Variants in UBE4B observed in about 807,000 individuals in gnomAD.
UBE4B encodes the protein ubiquitin conjugation factor E4 B.
UBE4B carries 27 observed loss-of-function variants against 148.1 expected under a neutral mutation model. The observed-to-expected ratio is 0.18, with a 90% CI of 0.13 to 0.25. The LOEUF is 0.25. Among genes scored for constraint, UBE4B ranks in the 10% least tolerant of loss-of-function variants. The pLI, the probability that UBE4B is intolerant of heterozygous loss-of-function variation, is 1.00. For synonymous variants in UBE4B, 596 were observed against 619.3 expected, an observed-to-expected ratio of 0.96 and a Z score of 0.56; for missense variants, 1,170 against 1,662.4, an observed-to-expected ratio of 0.70 and a Z score of 5.15.
intron 3 of UBE4B, 82 bp downstream of exon 3, chr1:10,095,678 T>C: frequency 6.4e-7 from 1 of 1,553,750 alleles, no homozygotes; most frequent in Non-Finnish European, 8.8e-7. Context: ...TAGTCCATAG[T>C]CAGAAATGCC....
At chr1:10,171,010 A>G (rs1037085913) in intron 24 of UBE4B, 128 bp from the exon 25 acceptor site, 2 of 931,864 alleles carry the variant, frequency 2.1e-6, no homozygotes, top group Non-Finnish European at 3.2e-6. Context: ...CTTATGATAC[A>G]CAGCACCTGT....
At chr1:10,034,812 A>T (rs1643440109) in intron 1 of UBE4B, among the ~76,000 whole-genome samples, 1 of 152,240 alleles carries the variant, frequency 6.6e-6, no homozygotes, top group South Asian at 2.1e-4. Context: ...TAGGAAAGGA[A>T]GCAAATGATT....
chr1:10,172,219 C>T (rs1376315413), intron 25 of UBE4B, among the ~76,000 whole-genome samples: 2 of 152,156 alleles, frequency 1.3e-5, no homozygotes, highest in Non-Finnish European at 1.5e-5. Flanking sequence ...GCTGTCCCTG[C>T]GTGATCTTCT....
At chr1:10,110,698 A>G (rs1645203492) in intron 7 of UBE4B, among the ~76,000 whole-genome samples, 1 of 152,190 alleles carries the variant, frequency 6.6e-6, no homozygotes, top group South Asian at 2.1e-4. Flanking sequence ...ATTTCAGTGA[A>G]GGAGGTCAAA....
intron 1 of UBE4B, among the ~76,000 whole-genome samples, chr1:10,042,615 C>T (rs919169158): frequency 6.6e-6 from 1 of 152,212 alleles, no homozygotes; most frequent in Admixed American, 6.5e-5. Flanking sequence ...CCACTGCACT[C>T]TAGCCTGGGC....
chr1:10,168,433 C>G lies in UBE4B; in HGVS notation c.3333+163C>G, dbSNP rs1230896445. Among the ~76,000 whole-genome samples, 2 of 152,150 alleles carry G rather than the reference C, an allele frequency of 1.3e-5. No homozygotes were observed. The highest frequency in any genetic ancestry group is 2.9e-5 in the Non-Finnish European group (2 of 68,022). ...TGTTCCCAGTTATGCTAATTGATAC[C>G]AGACTCTGTTGATGGACTGAAGAGC... On this transcript the variant is annotated intron_variant, in intron 24 of 27. Coordinates refer to ENST00000343090, the MANE Select transcript of UBE4B (RefSeq NM_001105562.3). This position sits in a 1 kb window ranked among gnomAD's most constrained non-coding sequence, Gnocchi z 4.9.
intron 7 of UBE4B, among the ~76,000 whole-genome samples, chr1:10,112,509 C>T (rs1246660340): frequency 2.0e-5 from 3 of 152,206 alleles, no homozygotes; most frequent in East Asian, 1.9e-4. Flanking sequence ...AAGTGATTCA[C>T]CTGCCTCAGC....
Position 10,147,005 on chromosome 1 carries a change from G to A in UBE4B, c.2506G>A (p.Asp836Asn), listed in dbSNP as rs759935288. The change falls in exon 19 of 28, where the codon GAC (aspartate) becomes AAC (asparagine). Residue 836 changes from aspartate to asparagine, a missense_variant. This residue lies in a region of UBE4B where 348 missense variants were observed against 627.2 expected (regional missense o/e 0.55). Coordinates refer to ENST00000343090, the MANE Select transcript of UBE4B (RefSeq NM_001105562.3). ...CKACADAGLL[D>N]ESFLRRCLNF... is the part of the protein sequence containing the mutation. ...GGCCTGTGCTGATGCTGGCCTACTT[G>A]ACGAGAGCTTCCTGAGAAGATGTCT... The A allele has an allele frequency of 6.2e-7, 1 of 1,613,986 alleles. No individual in the cohort carries two copies.
chr1:10,075,041 T>C (rs138208446), intron 2 of UBE4B, among the ~76,000 whole-genome samples: 1 of 152,306 alleles, frequency 6.6e-6, no homozygotes, highest in Non-Finnish European at 1.5e-5. Flanking sequence ...GGTTTCCATC[T>C]CAATAAATGA....
chr1:10,071,962 C>A (rs1342378924), intron 1 of UBE4B, 66 bp from the exon 2 acceptor site: 3 of 1,463,898 alleles, frequency 2.0e-6, no homozygotes, highest in East Asian at 5.1e-5. Context: ...TGAATAATGT[C>A]ATTCTCTGGC....
At chr1:10,082,993 C>T (rs757968019) in intron 2 of UBE4B, among the ~76,000 whole-genome samples, 1 of 152,056 alleles carries the variant, frequency 6.6e-6, no homozygotes, top group African/African-American at 2.4e-5. Flanking sequence ...TGATCTCATT[C>T]TTTTTTACGG....
intron 17 of UBE4B, 139 bp downstream of exon 17, chr1:10,137,344 C>A: frequency 9.2e-7 from 1 of 1,081,924 alleles, no homozygotes; most frequent in Non-Finnish European, 1.3e-6. Context: ...CCTCCACCGC[C>A]ACATCCATGT....
chr1:10,148,632 A>AGGGG (rs1645918926), intron 19 of UBE4B, among the ~76,000 whole-genome samples: 1 of 123,990 alleles, frequency 8.1e-6, no homozygotes, highest in African/African-American at 3.4e-5. Context: ...ACTCTGTCTC[A>AGGGG]AAAAAAAAAA....
At position 10,057,685 on chromosome 1, in the gene UBE4B, G is replaced by A. The variant is rs1197427151; in HGVS notation, c.25-14343G>A. Among the ~76,000 whole-genome samples the A allele has an allele frequency of 2.7e-5, 4 of 147,840 alleles. No individual in the cohort carries two copies. The South Asian group carries it at 6.4e-4, about 23-fold the overall frequency. On this transcript the variant is annotated intron_variant, in intron 1 of 27. Transcript: ENST00000343090. ...GTTGAGGCTGCAGTGAGTTGAAATC[G>A]TGTTACTGTACTCCAACCTGGCTGA...
chr1:10,113,759 T>C (rs1557565267), intron 7 of UBE4B, among the ~76,000 whole-genome samples: 3 of 152,018 alleles, frequency 2.0e-5, no homozygotes. Flanking sequence ...CAAGGACCTA[T>C]TGACATCAAA....
At chr1:10,158,571 G>A in intron 22 of UBE4B, 89 bp downstream of exon 22, 2 of 1,512,164 alleles carry the variant, frequency 1.3e-6, no homozygotes, top group Non-Finnish European at 1.8e-6. Context: ...CTGGGTTCTT[G>A]TTGACTGTTT....
chr1:10,133,572 G>C (rs906108893), intron 15 of UBE4B, among the ~76,000 whole-genome samples: 2 of 152,216 alleles, frequency 1.3e-5, no homozygotes, highest in East Asian at 1.9e-4. Flanking sequence ...AATGTCACAT[G>C]ATAAGAAGTG....
chr1:10,127,202 T>TA (rs35655615), intron 11 of UBE4B, among the ~76,000 whole-genome samples: 3,528 of 144,242 alleles, frequency 0.024, 59 homozygotes, highest in Non-Finnish European at 0.034. Context: ...TTTTGTTACT[T>TA]AAAAAAAAAA....
intron 15 of UBE4B, among the ~76,000 whole-genome samples, chr1:10,133,909 G>A (rs1557584391): frequency 6.6e-6 from 1 of 151,860 alleles, no homozygotes; most frequent in Non-Finnish European, 1.5e-5. Flanking sequence ...AAATTAGCCA[G>A]TATAGTGGCA....
Sources: gnomAD v4.1 joint callset for allele counts (sites outside exome capture counted in the v4.1 genomes callset) on GRCh38, gnomAD v4.1.1 for gene constraint, gnomAD v4.1.1 regional missense constraint, Gnocchi (gnomAD v3.1) non-coding constraint, MANE v1.5 for transcripts, NCBI Gene and HGNC (gene_info 2026-07-23, HGNC 2026-07-21) for gene names.